The following UBA1 variants were observed in gnomAD, a reference collection of about 807,000 sequenced individuals.
UBA1 encodes ubiquitin like modifier activating enzyme 1.
Under a neutral mutation model 84.7 loss-of-function variants are expected in UBA1, and 4 were observed. The ratio of observed to expected loss-of-function variants is 0.05; its 90% CI spans 0.02 to 0.11. The LOEUF is 0.11. Ranked by LOEUF, UBA1 falls within the 10% of genes least tolerant of loss-of-function variation. The pLI is 1.00. For missense variants in UBA1, 513 were observed against 902.8 expected, an observed-to-expected ratio of 0.57 and a Z score of 5.53; for synonymous variants, 364 against 362.6, an observed-to-expected ratio of 1.00 and a Z score of -0.04.
intron 1 of UBA1, among the ~76,000 whole-genome samples, chrX:47,195,400 C>T (rs782781688): frequency 9.0e-6 from 1 of 111,382 alleles, no homozygotes; most frequent in East Asian, 2.8e-4. Context: ...CAGGCATGCA[C>T]CACCACGCCT....
chrX:47,201,369 A>C lies in UBA1; in HGVS notation c.678+3A>C. 8.3e-7 allele frequency: 1 copy of C among 1,209,263 alleles called. No individual in the cohort carries two copies. The highest frequency in any genetic ancestry group is 1.1e-6 in the Non-Finnish European group (1 of 893,894). On this transcript the variant is annotated splice_donor_region_variant and intron_variant, in intron 7 of 25. Coordinates refer to ENST00000335972, the MANE Select transcript of UBA1 (RefSeq NM_003334.4). ...CTATGGTTTCTATGGTTACCAAGGTAAGGAGACCAGCCCTAGGGTTCCTGG... is the reference window on the plus strand; with the variant it reads ...CTATGGTTTCTATGGTTACCAAGGTCAGGAGACCAGCCCTAGGGTTCCTGG...
Position 47,206,086 on chromosome X carries a change from G to T in UBA1, c.1714G>T (p.Ala572Ser). The change falls in exon 15 of 26, where the codon GCC (alanine) becomes TCC (serine). Residue 572 changes from alanine (A) to serine (S), a missense_variant. Coordinates refer to ENST00000335972, the MANE Select transcript of UBA1 (RefSeq NM_003334.4). ...TTTTTTCCAAAACCTAGATGGCGTG[G>T]CCAATGCCCTGGACAACGTGGATGC... ...DDFFQNLDGV[A>S]NALDNVDARM... 2 of 1,205,072 alleles carry T rather than the reference G, an allele frequency of 1.7e-6. No individual in the cohort carries two copies. The highest frequency in any genetic ancestry group is 2.2e-6 in the Non-Finnish European group (2 of 892,007).
Position 47,202,619 on chromosome X carries a change from G to A in UBA1, c.1057-19G>A, listed in dbSNP as rs1556788729. The A allele has an allele frequency of 8.3e-7, 1 of 1,211,841 alleles. No homozygotes were observed. Among genetic ancestry groups the A allele is most frequent in the East Asian group, 3.0e-5 (1 of 33,845 alleles). ...CTGTGGCCTGACATATCCTCTCTTG[G>A]TTCTTTCTGGCCCACCAGGAGGATG... On this transcript the variant is annotated intron_variant, in intron 10 of 25. Transcript: ENST00000335972.
intron 14 of UBA1, chrX:47,205,192 G>A (rs782718688): frequency 9.0e-6 from 2 of 222,922 alleles, no homozygotes; most frequent in Admixed American, 5.8e-5. Flanking sequence ...GGGTCAGGGA[G>A]CCAACTCATT....
At chrX:47,206,687 A>G (rs1231392000) in intron 16 of UBA1, 5 of 412,123 alleles carry the variant, frequency 1.2e-5, no homozygotes, top group Non-Finnish European at 2.1e-5. Context: ...TATTATGATG[A>G]ATACTCAAAT....
chrX:47,199,908 G>A (rs1195024900), intron 5 of UBA1, among the ~76,000 whole-genome samples: 1 of 109,287 alleles, frequency 9.2e-6, no homozygotes, highest in Non-Finnish European at 1.9e-5. Context: ...TCAGCCTCCC[G>A]AGTAGCTGGG....
intron 14 of UBA1, among the ~76,000 whole-genome samples, chrX:47,203,938 G>GGGTT (rs1265663349): frequency 2.8e-5 from 3 of 108,258 alleles, no homozygotes; most frequent in Non-Finnish European, 5.7e-5. Flanking sequence ...AGTAGAGACA[G>GGGTT]GGTTTCTCCA....
chrX:47,195,700 C>A (rs1936182784), intron 1 of UBA1, among the ~76,000 whole-genome samples: 1 of 110,962 alleles, frequency 9.0e-6, no homozygotes, highest in African/African-American at 3.3e-5. Context: ...TTAAGGCCTG[C>A]ACTATCTGGG....
In UBA1 at chrX:47,199,055, C is replaced by A; in HGVS notation, c.125C>A (p.Ala42Asp). 4 of 1,212,319 alleles carry A rather than the reference C, an allele frequency of 3.3e-6. No homozygotes were observed. Among genetic ancestry groups the A allele is most frequent in the Non-Finnish European group, 4.5e-6 (4 of 895,577 alleles). The change falls in exon 3 of 26, where the codon GCC becomes GAC. Residue 42 changes from alanine to aspartate, a missense_variant. Physicochemically the swap from Ala to Asp is moderately radical, Grantham distance 126 (BLOSUM62 -2). Around this residue, in one of 6 missense-constraint regions of UBA1, gnomAD observed 38 missense variants for 43.4 expected, o/e 0.88. Coordinates refer to ENST00000335972, the MANE Select transcript of UBA1 (RefSeq NM_003334.4). ...EVPSVPTNGM[A>D]KNGSEADIDE... ...CTTTTCCTCTATTCCTAGGGAATGG[C>A]CAAGAACGGCAGTGAAGCAGACATA...
upstream of UBA1, chrX:47,191,516 C>T (rs1377691201): frequency 9.0e-6 from 1 of 111,730 alleles, no homozygotes; most frequent in Admixed American, 9.4e-5. Flanking sequence ...GAGCCCAGCT[C>T]TTCCTGAGCT....
chrX:47,199,341 C>T lies in UBA1; in HGVS notation c.309C>T (p.Asp103=), dbSNP rs1556786723. The T allele has an allele frequency of 8.2e-7, 1 of 1,212,188 alleles. No individual in the cohort carries two copies. Among genetic ancestry groups the T allele is most frequent in the Non-Finnish European group, 1.1e-6 (1 of 895,536 alleles). Residue 103 remains aspartate, a synonymous_variant, in exon 4 of 26, where the codon GAC becomes GAT. Transcript: ENST00000335972. ...LGGVKAVTLH[D]QGTAQWADLS... ...GGGTCAAGGCTGTTACCCTACATGA[C>T]CAGGGCACTGCCCAGTGGGCTGATC...
chrX:47,193,303 C>G (rs1439907339), upstream of UBA1, among the ~76,000 whole-genome samples: 1 of 111,464 alleles, frequency 9.0e-6, no homozygotes, highest in African/African-American at 3.3e-5. Flanking sequence ...CCTGCAGCAG[C>G]CCCATTTCCC....
chrX:47,194,231 C>T (rs1382988365), intron 1 of UBA1, among the ~76,000 whole-genome samples: 1 of 111,793 alleles, frequency 8.9e-6, no homozygotes, highest in Non-Finnish European at 1.9e-5. Flanking sequence ...CAAAATCTGA[C>T]CTTGGAGTCG....
At chrX:47,200,045 A>G (rs955399228) in intron 5 of UBA1, among the ~76,000 whole-genome samples, 1 of 109,973 alleles carries the variant, frequency 9.1e-6, no homozygotes, top group Non-Finnish European at 1.9e-5. Flanking sequence ...TCCGCCTCCC[A>G]AAGTGCTGGG....
rs782276375 is a variant in UBA1, at chrX:47,214,538, C to T, written c.2942C>T (p.Thr981Ile). Residue 981 changes from threonine (T) to isoleucine (I), a missense_variant and splice_region_variant, in exon 25 of 26, where the codon ACA (threonine) becomes ATA (isoleucine). Physicochemically the swap from Thr to Ile is moderately conservative, Grantham distance 89. Coordinates refer to ENST00000335972, the MANE Select transcript of UBA1 (RefSeq NM_003334.4). ...TLKQFLDYFK[T>I]EHKLEITMLS... ...CTGCTGTTCCCCCTCCCTCTCCAGACAGAGCACAAATTAGAGATCACCATG... is the reference window on the plus strand; with the variant it reads ...CTGCTGTTCCCCCTCCCTCTCCAGATAGAGCACAAATTAGAGATCACCATG... 3.3e-6 allele frequency: 4 copies of T among 1,208,719 alleles called. No individual in the cohort carries two copies. In the African/African-American group the frequency reaches 5.3e-5, roughly 16 times the overall value.
intron 20 of UBA1, among the ~76,000 whole-genome samples, chrX:47,211,533 G>T (rs1406305856): frequency 9.0e-6 from 1 of 110,940 alleles, no homozygotes; most frequent in Non-Finnish European, 1.9e-5. Flanking sequence ...TAGGAGGTAT[G>T]ATCTCTACCA....
chrX:47,195,687 T>G (rs949821515), intron 1 of UBA1, among the ~76,000 whole-genome samples: 1 of 111,026 alleles, frequency 9.0e-6, no homozygotes, highest in East Asian at 2.8e-4. Context: ...CTTATTAACC[T>G]TTTTAAGGCC....
At chrX:47,201,041 C>A in intron 6 of UBA1, 41 bp downstream of exon 6, 1 of 1,084,915 alleles carries the variant, frequency 9.2e-7, no homozygotes, top group African/African-American at 1.8e-5. Flanking sequence ...CCTTTTCCCC[C>A]AACTCCTACC....
chrX:47,202,358 A>G lies in UBA1; in HGVS notation c.910A>G (p.Lys304Glu). ...QVKVPKKISF[K>E]SLVASLAEPD... ...CTGATGACCTCTCCCCCCGCCACAGAAATCCTTGGTGGCCTCACTGGCAGA... is the reference window on the plus strand; with the variant it reads ...CTGATGACCTCTCCCCCCGCCACAGGAATCCTTGGTGGCCTCACTGGCAGA... The change falls in exon 10 of 26, where the codon AAA becomes GAA. Residue 304 changes from lysine (K) to glutamate (E), a missense_variant and splice_region_variant. By Grantham distance (56) the Lys-to-Glu change is moderately conservative (BLOSUM62 1). Around this residue, in one of 6 missense-constraint regions of UBA1, gnomAD observed 227 missense variants for 339.1 expected, o/e 0.67. Coordinates refer to ENST00000335972, the MANE Select transcript of UBA1 (RefSeq NM_003334.4). 8.3e-7 allele frequency: 1 copy of G among 1,211,760 alleles called. No homozygotes were observed. The highest frequency in any genetic ancestry group is 1.1e-6 in the Non-Finnish European group (1 of 895,439).
Sources: allele counts gnomAD v4.1 joint callset (sites outside exome capture counted in the v4.1 genomes callset), GRCh38; gene constraint gnomAD v4.1.1; regional missense constraint gnomAD v4.1.1; transcripts MANE v1.5; gene names NCBI Gene and HGNC (gene_info 2026-07-23, HGNC 2026-07-21).